SGK1: variants seen among roughly 807,000 people sequenced by gnomAD.
SGK1 encodes the protein serine/threonine-protein kinase Sgk1.
A neutral mutation model predicts 64.2 loss-of-function variants in SGK1; 26 were observed. That is an observed-to-expected ratio of 0.40 (90% CI 0.30 to 0.56). The LOEUF (loss-of-function observed/expected upper bound fraction) is 0.56. Among genes scored for constraint, SGK1 ranks in the 20% least tolerant of loss-of-function variants. SGK1 has a pLI of 0.38. For synonymous variants in SGK1, 265 were observed against 239.7 expected, an observed-to-expected ratio of 1.11 and a Z score of -0.98; for missense variants, 519 against 645.6, an observed-to-expected ratio of 0.80 and a Z score of 2.12.
At chr6:134,170,733 A>T (rs1046137366) in intron 13 of SGK1, 93 bp downstream of exon 13, 14 of 858,130 alleles carry the variant, frequency 1.6e-5, no homozygotes, top group Non-Finnish European at 2.1e-5. Context: ...AACATCTGCC[A>T]ATGTATTCCT....
chr6:134,290,538 T>C (rs1777249550), intron 1 of SGK1, among the ~76,000 whole-genome samples: 1 of 151,676 alleles, frequency 6.6e-6, no homozygotes, highest in African/African-American at 2.4e-5. Flanking sequence ...TTCCAAATAA[T>C]GGTTGTGAGT....
intron 3 of SGK1, among the ~76,000 whole-genome samples, chr6:134,184,390 A>G (rs1241835662): frequency 6.6e-6 from 1 of 151,412 alleles, no homozygotes; most frequent in Admixed American, 6.6e-5. Context: ...CTGTAGTCCC[A>G]GCTACTTGGG....
intron 4 of SGK1, 107 bp downstream of exon 4, chr6:134,174,404 C>G: frequency 2.7e-6 from 2 of 737,292 alleles, no homozygotes; most frequent in Non-Finnish European, 4.6e-6. Flanking sequence ...ATGAGATCCC[C>G]ACCCCAGAAG....
intron 8 of SGK1, 124 bp from the exon 9 acceptor site, chr6:134,172,898 T>C (rs1172233242): frequency 4.7e-6 from 6 of 1,279,460 alleles, no homozygotes; most frequent in Non-Finnish European, 5.6e-6. Flanking sequence ...ACCTGACAGG[T>C]TGAAGGAAAT....
intron 3 of SGK1, among the ~76,000 whole-genome samples, chr6:134,189,206 G>T (rs1775469427): frequency 4.0e-5 from 1 of 24,764 alleles, no homozygotes; most frequent in Non-Finnish European, 1.6e-4. Context: ...TTTTATACAG[G>T]TGTGTGTGTG....
At chr6:134,222,541 G>A (rs1209121084) in intron 2 of SGK1, among the ~76,000 whole-genome samples, 1 of 151,958 alleles carries the variant, frequency 6.6e-6, no homozygotes, top group East Asian at 1.9e-4. Flanking sequence ...TCCTCATGTT[G>A]GCCAGGTTAG....
chr6:134,190,447 G>A, intron 3 of SGK1, among the ~76,000 whole-genome samples: 1 of 152,148 alleles, frequency 6.6e-6, no homozygotes. Context: ...CACCAGGCAT[G>A]GCTAATTTTT....
intron 1 of SGK1, among the ~76,000 whole-genome samples, chr6:134,301,769 T>C (rs1344554736): frequency 6.6e-6 from 1 of 152,062 alleles, no homozygotes; most frequent in East Asian, 1.9e-4. Context: ...TTTTTATTAT[T>C]ATTTCCTGGA....
Position 134,317,376 on chromosome 6 carries a change from C to T in SGK1, c.69+16G>A, listed in dbSNP as rs1562283416. On this transcript the variant is annotated intron_variant, in intron 1 of 13. Coordinates refer to ENST00000367858, the MANE Select transcript of SGK1 (RefSeq NM_001143676.3). ...AAGCACAGAAAACAAAAGAAATAAG[C>T]AAAACCTGTCCTTACCCGCTTCTTA... The T allele has an allele frequency of 1.3e-6, 2 of 1,535,324 alleles. No individual in the cohort carries two copies.
chr6:134,272,002 C>G (rs1297439736), intron 1 of SGK1, among the ~76,000 whole-genome samples: 1 of 147,022 alleles, frequency 6.8e-6, no homozygotes. Flanking sequence ...CCACCACACC[C>G]AGCTGAGTTT....
chr6:134,225,730 C>A (rs1022172545), intron 2 of SGK1, among the ~76,000 whole-genome samples: 2 of 151,988 alleles, frequency 1.3e-5, no homozygotes, highest in East Asian at 1.9e-4. Flanking sequence ...CCTTTAAAAT[C>A]TTATCCAGTC....
At position 134,170,378 on chromosome 6, in the gene SGK1, T is replaced by C. The variant is rs200826380; in HGVS notation, c.1471A>G (p.Asn491Asp). ...DPEFTEEPVP[N>D]SIGKSPDSVL... is the part of the protein sequence containing the mutation. ...CTGTCAGGGGACTTGCCAATGGAGT[T>C]GGGGACAGGCTCTTCGGTAAACTCG... Residue 491 changes from asparagine to aspartate, a missense_variant, in exon 14 of 14, where the codon AAC becomes GAC. Around this residue, in one of 2 missense-constraint regions of SGK1, gnomAD observed 278 missense variants for 408.7 expected, o/e 0.68. Transcript: ENST00000367858. 6.2e-7 allele frequency: 1 copy of C among 1,614,084 alleles called. No homozygotes were observed. Among genetic ancestry groups the C allele is most frequent in the Non-Finnish European group, 8.5e-7 (1 of 1,179,968 alleles).
chr6:134,229,869 T>C (rs767284266), intron 2 of SGK1, among the ~76,000 whole-genome samples: 5 of 152,072 alleles, frequency 3.3e-5, no homozygotes, highest in Non-Finnish European at 4.4e-5. Context: ...AAACATCTTT[T>C]TTTTTCCTTA....
At position 134,218,378 on chromosome 6, in the gene SGK1, T is replaced by A. The variant is rs568543397; in HGVS notation, c.286-10947A>T. On this transcript the variant is annotated intron_variant, in intron 2 of 13. Coordinates refer to ENST00000367858, the MANE Select transcript of SGK1 (RefSeq NM_001143676.3). ...CAGTGCTAGGAGCCATGGGCATAGG[T>A]GTGAACAGACAGACAGATCTTGCCC... Among the ~76,000 whole-genome samples, 201 of 152,212 alleles carry A rather than the reference T, an allele frequency of 1.3e-3. 1 individual carries two copies. Among genetic ancestry groups the A allele is most frequent in the African/African-American group, 4.6e-3 (192 of 41,546 alleles).
chr6:134,262,659 G>T (rs868853031), intron 1 of SGK1, among the ~76,000 whole-genome samples: 7 of 151,796 alleles, frequency 4.6e-5, no homozygotes, highest in Non-Finnish European at 2.9e-5. Context: ...AGATAGCCCC[G>T]CTGCACTCCA....
At chr6:134,218,709 T>TA (rs1776029452) in intron 2 of SGK1, 2 of 152,034 alleles carry the variant, frequency 1.3e-5, no homozygotes, top group African/African-American at 2.4e-5. Context: ...GAGCCACTCT[T>TA]ACAGGTGTGA....
At chr6:134,274,741 T>C (rs1192437639) in intron 1 of SGK1, among the ~76,000 whole-genome samples, 1 of 152,146 alleles carries the variant, frequency 6.6e-6, no homozygotes, top group African/African-American at 2.4e-5. Context: ...TCAGCTTGTA[T>C]CTTCTCGATT....
intron 3 of SGK1, among the ~76,000 whole-genome samples, chr6:134,204,226 AAAT>A (rs1775731133): frequency 8.9e-5 from 1 of 11,180 alleles, no homozygotes; most frequent in Non-Finnish European, 2.4e-4. Context: ...GGCAAAAAAT[AAAT>A]AAATAAATAA....
At chr6:134,206,368 TA>T (rs1775778322) in intron 3 of SGK1, among the ~76,000 whole-genome samples, 413 of 8,606 alleles carry the variant, frequency 0.048, 1 homozygote, top group Non-Finnish European at 0.088. Flanking sequence ...TATATATATA[TA>T]TATATATATA....
Sources: allele counts gnomAD v4.1 joint callset (sites outside exome capture counted in the v4.1 genomes callset), GRCh38; gene constraint gnomAD v4.1.1; regional missense constraint gnomAD v4.1.1; transcripts MANE v1.5; gene names NCBI Gene and HGNC (gene_info 2026-07-23, HGNC 2026-07-21).